Variants in TMEM17 observed in about 807,000 individuals in gnomAD.
TMEM17 encodes the protein transmembrane protein 17.
In TMEM17, 15 loss-of-function variants were observed where a neutral mutation model predicts 19.1. The ratio of observed to expected loss-of-function variants is 0.78; its 90% CI spans 0.52 to 1.21. TMEM17 has a LOEUF of 1.21. TMEM17 is among the 50% of genes most tolerant of loss of function. The pLI is 0.00. For missense variants in TMEM17, 245 were observed against 242.3 expected (o/e 1.01, Z -0.07); for synonymous variants, 103 against 86.9 (o/e 1.19, Z -1.03).
chr2:62,470,345 T>A, the TMEM17 span, among the ~76,000 whole-genome samples: 1 of 152,162 alleles, frequency 6.6e-6, no homozygotes, highest in South Asian at 2.1e-4. Context: ...AAATCTACTG[T>A]AAGGTTCTGA....
Position 62,501,209 on chromosome 2 carries a change from T to A in TMEM17, c.597A>T (p.Ter199CysextTer6). ...RRMRSCIEEI[*>C] is the part of the protein sequence containing the mutation. The stretch of plus-strand genomic sequence containing the variant: ...CAGATTTTCACTCAACAACACTGGA[T>A]CAGATCTCTTCTATACATGACCTCA... The change falls in exon 4 of 4, where the codon TGA (stop) becomes TGT (cysteine). Residue 199 changes from the stop codon to cysteine (C), a stop_lost. Coordinates refer to ENST00000335390, the MANE Select transcript of TMEM17 (RefSeq NM_198276.3). 1.2e-6 allele frequency: 2 copies of A among 1,612,498 alleles called. No homozygotes were observed. The highest frequency in any genetic ancestry group is 1.7e-6 in the Non-Finnish European group (2 of 1,178,772).
At chr2:62,472,813 C>T in the TMEM17 span, among the ~76,000 whole-genome samples, 1 of 152,162 alleles carries the variant, frequency 6.6e-6, no homozygotes, top group Non-Finnish European at 1.5e-5. Context: ...GAATTGCTTG[C>T]CTCAGGAAGC....
At chr2:62,473,107 C>T in the TMEM17 span, among the ~76,000 whole-genome samples, 17 of 152,162 alleles carry the variant, frequency 1.1e-4, no homozygotes, top group Non-Finnish European at 2.1e-4. Flanking sequence ...TTTACTATCC[C>T]CTCCCTCTCC....
the TMEM17 span, among the ~76,000 whole-genome samples, chr2:62,492,240 T>G: frequency 6.6e-6 from 1 of 152,220 alleles, no homozygotes; most frequent in Non-Finnish European, 1.5e-5. Context: ...AATTCTGTCT[T>G]CTGTTTACTT....
At chr2:62,466,737 G>A in the TMEM17 span, among the ~76,000 whole-genome samples, 1 of 152,146 alleles carries the variant, frequency 6.6e-6, no homozygotes, top group African/African-American at 2.4e-5. Flanking sequence ...CGCTGACCCC[G>A]CCCATCATCT....
downstream of TMEM17, among the ~76,000 whole-genome samples, chr2:62,499,627 G>A (rs1221966398): frequency 6.6e-6 from 1 of 152,152 alleles, no homozygotes; most frequent in African/African-American, 2.4e-5. Flanking sequence ...GGGAAGTAAA[G>A]ACATTTTTTG....
At chr2:62,504,595 T>G (rs1175291258) in intron 1 of TMEM17, among the ~76,000 whole-genome samples, 2 of 152,182 alleles carry the variant, frequency 1.3e-5, no homozygotes, top group Admixed American at 1.3e-4. Flanking sequence ...AATTAATATG[T>G]AAATGAACCT....
chr2:62,468,359 G>GGGT, the TMEM17 span, among the ~76,000 whole-genome samples: 1 of 152,166 alleles, frequency 6.6e-6, no homozygotes, highest in African/African-American at 2.4e-5. Flanking sequence ...GGTTTTCAAA[G>GGGT]CATGGAAAAG....
chr2:62,476,372 T>C, the TMEM17 span, among the ~76,000 whole-genome samples: 2 of 152,196 alleles, frequency 1.3e-5, no homozygotes, highest in South Asian at 4.1e-4. Context: ...AGCCTTCCAC[T>C]ACCACCAGGT....
chr2:62,460,350 G>A, the TMEM17 span, among the ~76,000 whole-genome samples: 7 of 152,262 alleles, frequency 4.6e-5, no homozygotes, highest in East Asian at 5.8e-4. Context: ...GCCATGGAGC[G>A]CCATGCCCAC....
At chr2:62,457,856 C>G in the TMEM17 span, among the ~76,000 whole-genome samples, 1 of 151,018 alleles carries the variant, frequency 6.6e-6, no homozygotes, top group Admixed American at 6.6e-5. The surrounding 1 kb of genome is among the most constrained non-coding windows in gnomAD (Gnocchi z 4.2). Flanking sequence ...AACCCAGGAA[C>G]GGCTATTCCA....
chr2:62,493,146 C>A, the TMEM17 span, among the ~76,000 whole-genome samples: 1 of 152,026 alleles, frequency 6.6e-6, no homozygotes, highest in African/African-American at 2.4e-5. Flanking sequence ...CCTTCCACCT[C>A]AGCCTCCAGA....
the TMEM17 span, among the ~76,000 whole-genome samples, chr2:62,468,732 G>T: frequency 6.6e-6 from 1 of 152,238 alleles, no homozygotes; most frequent in Non-Finnish European, 1.5e-5. Context: ...AAGAAACCAA[G>T]GATGCTTGTA....
downstream of TMEM17, among the ~76,000 whole-genome samples, chr2:62,495,432 A>G (rs1306231308): frequency 1.3e-5 from 2 of 152,220 alleles, no homozygotes; most frequent in East Asian, 1.9e-4. Context: ...TGGGGAAAAA[A>G]GATTTTTAGG....
At chr2:62,499,042 G>A (rs1210804289), downstream of TMEM17, among the ~76,000 whole-genome samples, 2 of 152,100 alleles carry the variant, frequency 1.3e-5, no homozygotes, top group Non-Finnish European at 2.9e-5. Flanking sequence ...TTGTTCAGAT[G>A]AAAAACAAAC....
the TMEM17 span, among the ~76,000 whole-genome samples, chr2:62,488,649 G>A: frequency 7.9e-5 from 12 of 152,144 alleles, no homozygotes; most frequent in East Asian, 1.9e-3. Flanking sequence ...TCTGCAACTC[G>A]ACTAGGAAGC....
At chr2:62,456,040 T>C in the TMEM17 span, among the ~76,000 whole-genome samples, 69,280 of 151,998 alleles carry the variant, frequency 0.46, 16,394 homozygotes, top group Non-Finnish European at 0.53. Context: ...CTTTTTAAAA[T>C]CCAGAGACAG....
Position 62,502,712 on chromosome 2 carries a change from G to A in TMEM17, c.183C>T (p.Ser61=), listed in dbSNP as rs754454161. 2.5e-6 allele frequency: 4 copies of A among 1,608,324 alleles called. No individual in the cohort carries two copies. The highest frequency in any genetic ancestry group is 2.5e-6 in the Non-Finnish European group (3 of 1,178,112). Residue 61 remains serine (S), a synonymous_variant, in exon 2 of 4, where the codon AGC becomes AGT. Transcript: ENST00000335390. ...TTACCTTCATGTGAAGCATCATAAT[G>A]CTGCTCACCCACCACAGTGGGAAAT... is the stretch of plus-strand genomic sequence containing the variant. ...TYYFPLWWVS[S]IMMLHMKYSI...
At chr2:62,495,909 C>G (rs1382631692), downstream of TMEM17, among the ~76,000 whole-genome samples, 1 of 152,194 alleles carries the variant, frequency 6.6e-6, no homozygotes, top group Non-Finnish European at 1.5e-5. Flanking sequence ...TCATTTCAGT[C>G]TTTTTATGTC....
Sources: gnomAD v4.1 joint callset for allele counts (sites outside exome capture counted in the v4.1 genomes callset) on GRCh38, gnomAD v4.1.1 for gene constraint, Gnocchi (gnomAD v3.1) non-coding constraint, MANE v1.5 for transcripts, NCBI Gene and HGNC (gene_info 2026-07-23, HGNC 2026-07-21) for gene names.